The following UROS variants were observed in gnomAD, a reference collection of about 807,000 sequenced individuals.
UROS encodes uroporphyrinogen-III synthase.
UROS carries 18 observed loss-of-function variants against 33.0 expected under a neutral mutation model. The observed-to-expected ratio is 0.55, with a 90% CI of 0.38 to 0.81. UROS has a LOEUF of 0.81. Ranked by LOEUF, UROS falls within the 30% of genes least tolerant of loss-of-function variation. The probability of loss-of-function intolerance (pLI) is 0.00; values close to 1 mark genes in which losing one functional copy is unlikely to be tolerated. For missense variants in UROS, 293 were observed against 314.9 expected (o/e 0.93, Z 0.53); for synonymous variants, 114 against 121.1 (o/e 0.94, Z 0.38).
Position 125,788,731 on chromosome 10 carries a change from G to T in UROS, c.*137C>A. On this transcript the variant is annotated 3_prime_UTR_variant, in exon 10 of 10. Coordinates refer to ENST00000368797, the MANE Select transcript of UROS (RefSeq NM_000375.3). ...GCCCCAGGTCAGGTCCCGATCCCCG[G>T]TCCTCAGGTGCTTCCACTCAGGCTT... is the stretch of plus-strand genomic sequence containing the variant. 1 of 1,444,932 alleles carries T rather than the reference G, an allele frequency of 6.9e-7. No individual in the cohort carries two copies. The allele number at this position is 1,444,932 out of a possible 1,614,324, so 89.5% of individuals were successfully genotyped here. A position where few individuals can be genotyped will look rare whatever the true frequency, so the allele number is the denominator to read the frequency against.
At chr10:125,804,449 A>G (rs911794230) in intron 6 of UROS, among the ~76,000 whole-genome samples, 6 of 152,170 alleles carry the variant, frequency 3.9e-5, no homozygotes, top group Admixed American at 1.3e-4. Context: ...ATCAGTACAC[A>G]TAAGTGTTTC....
intron 5 of UROS, among the ~76,000 whole-genome samples, chr10:125,809,637 A>G (rs1852624979): frequency 6.6e-6 from 1 of 152,216 alleles, no homozygotes; most frequent in Non-Finnish European, 1.5e-5. Context: ...ATTATATATC[A>G]TTTCACTTGA....
chr10:125,820,766 T>C (rs1328604540), intron 1 of UROS, among the ~76,000 whole-genome samples: 1 of 152,176 alleles, frequency 6.6e-6, no homozygotes, highest in South Asian at 2.1e-4. Flanking sequence ...GTGGGAGAGA[T>C]GGAATTTGGA....
At chr10:125,787,273 G>A (rs1850658920), downstream of UROS, among the ~76,000 whole-genome samples, 1 of 152,206 alleles carries the variant, frequency 6.6e-6, no homozygotes, top group Non-Finnish European at 1.5e-5. Flanking sequence ...GCAACAGGGT[G>A]TTTTTCCTCC....
At chr10:125,821,663 G>A (rs1853912585) in intron 1 of UROS, among the ~76,000 whole-genome samples, 1 of 152,094 alleles carries the variant, frequency 6.6e-6, no homozygotes, top group Non-Finnish European at 1.5e-5. Flanking sequence ...TAAAGAAACA[G>A]GAAAAAAAAT....
intron 9 of UROS, chr10:125,789,488 C>A (rs1850765837): frequency 1.7e-6 from 1 of 599,008 alleles, no homozygotes; most frequent in South Asian, 5.0e-5. Flanking sequence ...GGACAATGAC[C>A]TTGGCCCGTG....
chr10:125,790,013 T>A (rs939160204), intron 9 of UROS, among the ~76,000 whole-genome samples: 10 of 152,144 alleles, frequency 6.6e-5, no homozygotes, highest in Non-Finnish European at 1.5e-4. Flanking sequence ...CTCCGCTTCA[T>A]CCTCCCTCCC....
chr10:125,788,351 C>T (rs1850693272), downstream of UROS, among the ~76,000 whole-genome samples: 1 of 152,210 alleles, frequency 6.6e-6, no homozygotes, highest in South Asian at 2.1e-4. Context: ...CTGTCTAATG[C>T]TGCAGCTGCA....
chr10:125,791,280 T>C (rs955696825), intron 9 of UROS, among the ~76,000 whole-genome samples: 4 of 152,126 alleles, frequency 2.6e-5, no homozygotes, highest in Middle Eastern at 3.4e-3. Context: ...CGAAATCAAA[T>C]ACATGCTGAG....
intron 6 of UROS, among the ~76,000 whole-genome samples, chr10:125,800,856 C>T (rs1851790997): frequency 6.6e-6 from 1 of 152,168 alleles, no homozygotes; most frequent in South Asian, 2.1e-4. Context: ...AGGAGTGAGC[C>T]ACTGCGCCCA....
At position 125,794,915 on chromosome 10, in the gene UROS, G is replaced by C. The variant is rs867780642; in HGVS notation, c.625C>G (p.Gln209Glu). ...SGLTYSLKHI[Q>E]ELSGDNIDQI... The stretch of plus-strand genomic sequence containing the variant: ...TCGATATTGTCACCAGATAACTCCT[G>C]AATGTGCTTGAGACTGTATGTGAGG... The change falls in exon 9 of 10, where the codon CAG becomes GAG. Residue 209 changes from glutamine (Q) to glutamate (E), a missense_variant. Coordinates refer to ENST00000368797, the MANE Select transcript of UROS (RefSeq NM_000375.3). The C allele has an allele frequency of 6.2e-7, 1 of 1,614,120 alleles. No homozygotes were observed. The highest frequency in any genetic ancestry group is 1.7e-4 in the Middle Eastern group (1 of 6,060).
chr10:125,791,862 T>C (rs924822021), intron 9 of UROS: 34 of 152,068 alleles, frequency 2.2e-4, no homozygotes, highest in Non-Finnish European at 4.0e-4. Flanking sequence ...GGTTTCTCTT[T>C]GGGGTGATGA....
At chr10:125,797,940 T>C (rs1373164305) in intron 7 of UROS, 125 bp downstream of exon 7, 3 of 1,109,560 alleles carry the variant, frequency 2.7e-6, no homozygotes, top group Admixed American at 1.8e-5. Flanking sequence ...TCTCCTGGCC[T>C]GGCTTATCCA....
chr10:125,803,712 CG>C (rs780404385), intron 6 of UROS, among the ~76,000 whole-genome samples: 9 of 152,208 alleles, frequency 5.9e-5, no homozygotes. Context: ...TGTAAGGCCC[CG>C]TGCCTCAGGG....
intron 9 of UROS, chr10:125,789,231 C>T (rs1315652932): frequency 1.4e-5 from 20 of 1,433,084 alleles, no homozygotes; most frequent in African/African-American, 4.3e-5. Context: ...GAGCGACTGT[C>T]GCCAGGCTCA....
intron 1 of UROS, among the ~76,000 whole-genome samples, chr10:125,819,465 G>A (rs766534647): frequency 5.3e-5 from 8 of 152,122 alleles, no homozygotes; most frequent in African/African-American, 9.7e-5. Context: ...GGATCTCTAT[G>A]CCTCGCTTTC....
intron 9 of UROS, among the ~76,000 whole-genome samples, chr10:125,789,869 T>G (rs977520300): frequency 2.6e-5 from 4 of 152,228 alleles, no homozygotes; most frequent in African/African-American, 9.6e-5. Context: ...ACAGTTACCC[T>G]GGCCTCAGAG....
chr10:125,803,144 A>G lies in UROS; in HGVS notation c.394+4269T>C. 2.1e-6 allele frequency: 3 copies of G among 1,395,532 alleles called. No individual in the cohort carries two copies. The South Asian group carries it at 3.7e-5, about 17-fold the overall frequency. 86.4% of individuals were successfully genotyped at this position (1,395,532 alleles called of 1,614,324 possible). ...CAGTCCTAGGCTTGAGCCCCAGCCT[A>G]CCACTATTAGCTCTGTTCCTTATGG... is the stretch of plus-strand genomic sequence containing the variant. On this transcript the variant is annotated intron_variant, in intron 6 of 9. Coordinates refer to ENST00000368797, the MANE Select transcript of UROS (RefSeq NM_000375.3).
At chr10:125,790,358 T>G (rs1038914993) in intron 9 of UROS, among the ~76,000 whole-genome samples, 2 of 152,086 alleles carry the variant, frequency 1.3e-5, no homozygotes, top group Admixed American at 6.6e-5. Context: ...TTCAAAACAC[T>G]GAATTAAAGC....
Sources: gnomAD v4.1 joint callset for allele counts (sites outside exome capture counted in the v4.1 genomes callset) on GRCh38, gnomAD v4.1.1 for gene constraint, MANE v1.5 for transcripts, NCBI Gene and HGNC (gene_info 2026-07-23, HGNC 2026-07-21) for gene names.